CDH18: variants seen among roughly 807,000 people sequenced by gnomAD.
CDH18 encodes cadherin 18.
A neutral mutation model predicts 67.9 loss-of-function variants in CDH18; 31 were observed. The observed-to-expected ratio is 0.46, with a 90% CI of 0.34 to 0.62. The LOEUF (loss-of-function observed/expected upper bound fraction) is 0.62. Among genes scored for constraint, CDH18 ranks in the 20% least tolerant of loss-of-function variants. CDH18 has a pLI of 0.01. For missense variants in CDH18, 890 were observed against 975.5 expected, an observed-to-expected ratio of 0.91 and a Z score of 1.17; for synonymous variants, 362 against 347.2, an observed-to-expected ratio of 1.04 and a Z score of -0.48.
intron 1 of CDH18, among the ~76,000 whole-genome samples, chr5:20,389,553 C>T (rs1489687540): frequency 6.6e-6 from 1 of 151,856 alleles, no homozygotes; most frequent in Admixed American, 6.6e-5. Context: ...CAGAAAATGG[C>T]CATACTGCCC....
intron 5 of CDH18, among the ~76,000 whole-genome samples, chr5:19,702,446 G>T (rs62351330): frequency 0.33 from 49,346 of 150,886 alleles, 8,234 homozygotes; most frequent in African/African-American, 0.41. Context: ...ACCACGCCCT[G>T]CTGCAGCATT....
At chr5:20,232,594 T>C (rs972256029) in intron 2 of CDH18, among the ~76,000 whole-genome samples, 2 of 152,114 alleles carry the variant, frequency 1.3e-5, no homozygotes, top group African/African-American at 2.4e-5. Flanking sequence ...TTTCTTTGTA[T>C]CTGTCACCAT....
intron 1 of CDH18, among the ~76,000 whole-genome samples, chr5:20,259,099 A>C (rs982456587): frequency 1.3e-5 from 2 of 152,170 alleles, no homozygotes; most frequent in Admixed American, 6.5e-5. Context: ...TTGAAACCAG[A>C]AAGTCAGTAG....
intron 2 of CDH18, among the ~76,000 whole-genome samples, chr5:20,203,773 G>A (rs1471832295): frequency 6.6e-6 from 1 of 151,854 alleles, no homozygotes; most frequent in Non-Finnish European, 1.5e-5. Flanking sequence ...GGAAAAATAA[G>A]AAACCAAGTA....
chr5:20,049,992 G>C (rs1741271348), intron 2 of CDH18, among the ~76,000 whole-genome samples: 1 of 151,746 alleles, frequency 6.6e-6, no homozygotes, highest in African/African-American at 2.4e-5. Context: ...GATTAAAAAT[G>C]TGAAATAGAG....
chr5:20,227,022 T>C (rs962121202), intron 2 of CDH18, among the ~76,000 whole-genome samples: 1 of 152,098 alleles, frequency 6.6e-6, no homozygotes, highest in Non-Finnish European at 1.5e-5. Flanking sequence ...CCCAATTATT[T>C]TCTCCATACA....
intron 1 of CDH18, among the ~76,000 whole-genome samples, chr5:20,464,618 T>C (rs10062864): frequency 0.79 from 119,715 of 152,030 alleles, 47,375 homozygotes; most frequent in Admixed American, 0.86. Context: ...GAGGATAATG[T>C]TAATACGAAA....
At chr5:20,016,316 A>G (rs894163597) in intron 2 of CDH18, among the ~76,000 whole-genome samples, 1 of 152,074 alleles carries the variant, frequency 6.6e-6, no homozygotes, top group East Asian at 1.9e-4. Flanking sequence ...TTACTTGAAG[A>G]TGGAGGTTGG....
At chr5:20,360,812 C>G (rs1487763770) in intron 1 of CDH18, among the ~76,000 whole-genome samples, 5 of 152,114 alleles carry the variant, frequency 3.3e-5, no homozygotes, top group African/African-American at 1.2e-4. Context: ...CTTCTATATA[C>G]ACCTGTGTAA....
chr5:20,227,161 C>A (rs1225480190), intron 2 of CDH18, among the ~76,000 whole-genome samples: 1 of 152,082 alleles, frequency 6.6e-6, no homozygotes, highest in African/African-American at 2.4e-5. Flanking sequence ...CTTGCACAAC[C>A]TTTGAGATCA....
At chr5:20,352,782 G>A (rs1355382241) in intron 1 of CDH18, among the ~76,000 whole-genome samples, 1 of 151,958 alleles carries the variant, frequency 6.6e-6, no homozygotes, top group Non-Finnish European at 1.5e-5. Flanking sequence ...GATAGAGAGA[G>A]ACTCTGTCTC....
chr5:20,009,703 T>G (rs1737233478), intron 2 of CDH18, among the ~76,000 whole-genome samples: 1 of 152,164 alleles, frequency 6.6e-6, no homozygotes, highest in Admixed American at 6.6e-5. Context: ...GTGGTAATAC[T>G]TAAATATTTA....
chr5:20,378,620 G>C (rs1472807212), intron 1 of CDH18, among the ~76,000 whole-genome samples: 1 of 152,072 alleles, frequency 6.6e-6, no homozygotes, highest in Non-Finnish European at 1.5e-5. Context: ...TTAACATCAG[G>C]ATTTTAGTAC....
intron 3 of CDH18, among the ~76,000 whole-genome samples, chr5:19,813,285 A>T (rs1211636622): frequency 6.6e-6 from 1 of 152,168 alleles, no homozygotes; most frequent in Non-Finnish European, 1.5e-5. Context: ...AACTTAAAGT[A>T]TAATAAAAAA....
intron 1 of CDH18, among the ~76,000 whole-genome samples, chr5:20,413,060 C>T (rs981852441): frequency 2.6e-5 from 4 of 152,146 alleles, no homozygotes; most frequent in Non-Finnish European, 5.9e-5. Context: ...GAACGCGCAG[C>T]GTTTGGTTTT....
chr5:19,886,797 A>G (rs1788260346), intron 2 of CDH18, among the ~76,000 whole-genome samples: 1 of 152,168 alleles, frequency 6.6e-6, no homozygotes, highest in South Asian at 2.1e-4. Flanking sequence ...TTTTCAACAA[A>G]GGTAACCTAC....
At chr5:19,586,923 C>T (rs990963530) in intron 7 of CDH18, among the ~76,000 whole-genome samples, 1 of 152,106 alleles carries the variant, frequency 6.6e-6, no homozygotes, top group Non-Finnish European at 1.5e-5. Flanking sequence ...GATGGTATCA[C>T]ATTGTGGTTT....
chr5:20,024,756 G>A (rs1254194408), intron 2 of CDH18, among the ~76,000 whole-genome samples: 1 of 152,122 alleles, frequency 6.6e-6, no homozygotes, highest in Non-Finnish European at 1.5e-5. Flanking sequence ...GTCTAACAAG[G>A]AGATGAACCT....
At chr5:20,023,532 A>G (rs11743098) in intron 2 of CDH18, among the ~76,000 whole-genome samples, 36,388 of 151,474 alleles carry the variant, frequency 0.24, 7,413 homozygotes, top group African/African-American at 0.55. Flanking sequence ...GGTGGCGGGC[A>G]CCTGTACTCC....
Sources: gnomAD v4.1 joint callset for allele counts (sites outside exome capture counted in the v4.1 genomes callset) on GRCh38, gnomAD v4.1.1 for gene constraint, MANE v1.5 for transcripts, NCBI Gene and HGNC (gene_info 2026-07-23, HGNC 2026-07-21) for gene names.